PCDHGA7: variants seen among roughly 807,000 people sequenced by gnomAD.
PCDHGA7 encodes protocadherin gamma subfamily A, 7.
A neutral mutation model predicts 58.3 loss-of-function variants in PCDHGA7; 44 were observed. The observed-to-expected ratio is 0.75, with a 90% confidence interval of 0.59 to 0.97. The LOEUF (loss-of-function observed/expected upper bound fraction) is 0.97. Ranked by LOEUF, PCDHGA7 falls within the 50% of genes least tolerant of loss-of-function variation. PCDHGA7 has a pLI of 0.00. For missense variants in PCDHGA7, 1,266 were observed against 1,188.7 expected (o/e 1.06, Z -0.96); for synonymous variants, 516 against 504.2 (o/e 1.02, Z -0.31).
At chr5:141,447,950 G>T (rs1195519095) in intron 1 of PCDHGA7, among the ~76,000 whole-genome samples, 1 of 152,052 alleles carries the variant, frequency 6.6e-6, no homozygotes, top group Non-Finnish European at 1.5e-5. Flanking sequence ...GCTGGGCATG[G>T]TGGCGGACAC....
At chr5:141,456,635 A>G (rs558958846) in intron 1 of PCDHGA7, among the ~76,000 whole-genome samples, 17 of 152,194 alleles carry the variant, frequency 1.1e-4, no homozygotes, top group Non-Finnish European at 2.2e-4. Context: ...CTTCTTTACT[A>G]CAGGTGTTAA....
intron 1 of PCDHGA7, chr5:141,421,544 A>G (rs2096582597): frequency 6.2e-7 from 1 of 1,613,912 alleles, no homozygotes; most frequent in African/African-American, 1.3e-5. Context: ...TGTTTTTTAA[A>G]TATGGAACTT....
At chr5:141,498,419 G>A (rs78940285) in intron 2 of PCDHGA7, among the ~76,000 whole-genome samples, 4,023 of 152,260 alleles carry the variant, frequency 0.026, 75 homozygotes, top group Non-Finnish European at 0.043. Flanking sequence ...TGCTGGCACT[G>A]GAGTGAGGGG....
chr5:141,393,259 G>C (rs1561641378), intron 1 of PCDHGA7: 1 of 1,613,874 alleles, frequency 6.2e-7, no homozygotes, highest in Admixed American at 1.7e-5. Flanking sequence ...GCGGTTCCTG[G>C]AGCACGTTAT....
chr5:141,399,720 C>A, intron 1 of PCDHGA7: 1 of 1,613,306 alleles, frequency 6.2e-7, no homozygotes, highest in Non-Finnish European at 8.5e-7. Context: ...TACAGGCCCG[C>A]GACCAGGGCT....
At chr5:141,484,437 T>C (rs2099596528) in intron 1 of PCDHGA7, among the ~76,000 whole-genome samples, 1 of 152,232 alleles carries the variant, frequency 6.6e-6, no homozygotes, top group African/African-American at 2.4e-5. Context: ...ATGTACTGCA[T>C]AAATTTAATT....
Position 141,466,657 on chromosome 5 carries a change from C to T in PCDHGA7, c.2425-28150C>T, listed in dbSNP as rs143657719. Among the ~76,000 whole-genome samples the T allele has an allele frequency of 1.4e-3, 211 of 152,280 alleles. 1 individual carries two copies. The highest frequency in any genetic ancestry group is 4.7e-3 in the African/African-American group (197 of 41,542). On this transcript the variant is annotated intron_variant, in intron 1 of 3. Transcript: ENST00000518325. ...TCTCCATAAACTTTTCACAAAACAT[C>T]AGTGATTTCACCGTTCTTCCACTCA...
intron 3 of PCDHGA7, among the ~76,000 whole-genome samples, chr5:141,505,729 G>A (rs1026403192): frequency 7.9e-5 from 12 of 152,286 alleles, no homozygotes; most frequent in African/African-American, 2.9e-4. Flanking sequence ...AGGGAATAGT[G>A]GTTACAAGTC....
At chr5:141,478,339 C>A in intron 1 of PCDHGA7, 1 of 1,613,918 alleles carries the variant, frequency 6.2e-7, no homozygotes, top group Admixed American at 1.7e-5. Flanking sequence ...CAGGGCCCTC[C>A]TTGCACGCGG....
chr5:141,405,514 A>C, intron 1 of PCDHGA7: 1 of 704,834 alleles, frequency 1.4e-6, no homozygotes, highest in Non-Finnish European at 2.3e-6. Context: ...CCGCCTCCCA[A>C]ATTCAAGCGA....
intron 1 of PCDHGA7, among the ~76,000 whole-genome samples, chr5:141,436,720 A>G (rs1337926057): frequency 1.5e-4 from 23 of 152,216 alleles, no homozygotes; most frequent in Non-Finnish European, 3.4e-4. Context: ...TCTGTTGGGA[A>G]AAATAATAAT....
intron 1 of PCDHGA7, chr5:141,420,280 T>C: frequency 6.6e-7 from 1 of 1,513,274 alleles, no homozygotes; most frequent in Non-Finnish European, 8.9e-7. Context: ...AACAGGTAAG[T>C]ATTTAAAAAT....
chr5:141,389,208 G>A (rs762367131), intron 1 of PCDHGA7: 7 of 1,613,930 alleles, frequency 4.3e-6, no homozygotes, highest in Non-Finnish European at 5.9e-6. Context: ...GCACATTGGT[G>A]ATGTAAATGA....
chr5:141,419,423 C>A, intron 1 of PCDHGA7: 1 of 1,613,368 alleles, frequency 6.2e-7, no homozygotes, highest in Non-Finnish European at 8.5e-7. Context: ...CGCCTTCGAC[C>A]ACGAGCAGCT....
rs369793035 is a variant in PCDHGA7, at chr5:141,408,762, A to T, written c.2424+23439A>T. 57 of 1,610,942 alleles carry T rather than the reference A, an allele frequency of 3.5e-5. No homozygotes were observed. The highest frequency in any genetic ancestry group is 4.6e-5 in the Non-Finnish European group (54 of 1,178,454). On this transcript the variant is annotated intron_variant, in intron 1 of 3. Transcript: ENST00000518325. ...TCATTAATGGTTAGAGTTAATTCCG[A>T]TGGTGGCAAATACCCAGAGTTATCT...
intron 1 of PCDHGA7, chr5:141,415,512 T>C (rs997659180): frequency 1.9e-6 from 3 of 1,614,234 alleles, no homozygotes; most frequent in Non-Finnish European, 2.5e-6. Context: ...AGCCCAATTA[T>C]GCGGACACGC....
chr5:141,427,023 G>A, intron 1 of PCDHGA7: 1 of 456,968 alleles, frequency 2.2e-6, no homozygotes, highest in Non-Finnish European at 4.4e-6. Flanking sequence ...TGTATACAAA[G>A]TCAGCCTTAG....
intron 1 of PCDHGA7, among the ~76,000 whole-genome samples, chr5:141,465,502 G>T (rs948827391): frequency 6.6e-6 from 1 of 152,152 alleles, no homozygotes; most frequent in Non-Finnish European, 1.5e-5. Flanking sequence ...GAGCATTGTC[G>T]TGGTCAGGAA....
intron 1 of PCDHGA7, among the ~76,000 whole-genome samples, chr5:141,433,408 A>ATCTATCTATCTATCT (rs1413347413): frequency 7.9e-6 from 1 of 127,280 alleles, no homozygotes; most frequent in African/African-American, 2.9e-5. Flanking sequence ...TCTATCTATT[A>ATCTATCTATCTATCT]CTTTCTTGTA....
Sources: allele counts gnomAD v4.1 joint callset (sites outside exome capture counted in the v4.1 genomes callset), GRCh38; gene constraint gnomAD v4.1.1; transcripts MANE v1.5; gene names NCBI Gene and HGNC (gene_info 2026-07-23, HGNC 2026-07-21).